MAOB: variants seen among roughly 807,000 people sequenced by gnomAD.
MAOB encodes the protein monoamine oxidase B, also known as amine oxidase [flavin-containing] B.
A neutral mutation model predicts 41.9 loss-of-function variants in MAOB; 15 were observed. That is an observed-to-expected ratio of 0.36 (90% CI 0.24 to 0.55). The LOEUF is 0.55. MAOB is among the 20% of genes least tolerant of loss of function. The probability of loss-of-function intolerance (pLI) is 0.86; values close to 1 mark genes in which losing one functional copy is unlikely to be tolerated. For missense variants in MAOB, 345 were observed against 398.7 expected (o/e 0.87, Z 1.15); for synonymous variants, 167 against 144.2 (o/e 1.16, Z -1.13).
At chrX:43,848,706 A>C (rs908180075) in intron 1 of MAOB, among the ~76,000 whole-genome samples, 3 of 111,920 alleles carry the variant, frequency 2.7e-5, no homozygotes, top group Non-Finnish European at 5.6e-5. Flanking sequence ...CGCAAGCACC[A>C]CTACGCCCGG....
At chrX:43,839,310 C>T (rs1421595966) in intron 2 of MAOB, among the ~76,000 whole-genome samples, 1 of 111,641 alleles carries the variant, frequency 9.0e-6, no homozygotes, top group Non-Finnish European at 1.9e-5. Context: ...GAATTATTGA[C>T]GAATCTCTTT....
In MAOB at chrX:43,802,565, C is replaced by T. The variant is rs2034607762; in HGVS notation, c.385-302G>A. Among the ~76,000 whole-genome samples the T allele has an allele frequency of 4.5e-5, 5 of 111,973 alleles. No individual in the cohort carries two copies. In the South Asian group the frequency reaches 1.8e-3, roughly 41 times the overall value. ...CTGGGCTATTTCTAGATATGGATTC[C>T]TAAGTTACTAACTTCTAGAGAACAC... is the stretch of plus-strand genomic sequence containing the variant. On this transcript the variant is annotated intron_variant, in intron 4 of 14. Coordinates refer to ENST00000378069, the MANE Select transcript of MAOB (RefSeq NM_000898.5).
chrX:43,882,279 C>T lies in MAOB; in HGVS notation c.21G>A (p.Val7=). 1 of 1,209,946 alleles carries T rather than the reference C, an allele frequency of 8.3e-7. No homozygotes were observed. The highest frequency in any genetic ancestry group is 1.1e-6 in the Non-Finnish European group (1 of 894,738). The change falls in exon 1 of 15, where the codon GTG becomes GTA. Residue 7 remains valine, a synonymous_variant. Coordinates refer to ENST00000378069, the MANE Select transcript of MAOB (RefSeq NM_000898.5). ...CTGAGATGCCGCCCCCCACCACGAC[C>T]ACGTCGCATTTGTTGCTCATGGCGC... is the stretch of plus-strand genomic sequence containing the variant. MSNKCD[V]VVVGGGISGM...
intron 3 of MAOB, among the ~76,000 whole-genome samples, chrX:43,823,703 A>G (rs577176677): frequency 9.0e-6 from 1 of 111,571 alleles, no homozygotes; most frequent in East Asian, 2.8e-4. Context: ...ATTTATAAGC[A>G]TCTGCCTCTT....
At chrX:43,876,322 T>C (rs2035439249) in intron 1 of MAOB, among the ~76,000 whole-genome samples, 1 of 112,346 alleles carries the variant, frequency 8.9e-6, no homozygotes, top group South Asian at 3.7e-4. Flanking sequence ...AAGCCACTGA[T>C]ATAAATGAAA....
At chrX:43,791,584 C>T (rs1442627025) in intron 8 of MAOB, among the ~76,000 whole-genome samples, 1 of 110,797 alleles carries the variant, frequency 9.0e-6, no homozygotes, top group African/African-American at 3.3e-5. Context: ...GGTGAAACCC[C>T]ATCTCTACTA....
At position 43,789,484 on chromosome X, in the gene MAOB, G is replaced by A. The variant is rs371846987; in HGVS notation, c.928+3935C>T. ...AGATAAATTAGATGTAAATATTCAAGGGAAAGTAGAAATGGTTCATAGATG... is the reference window on the plus strand; with the variant it reads ...AGATAAATTAGATGTAAATATTCAAAGGAAAGTAGAAATGGTTCATAGATG... On this transcript the variant is annotated intron_variant, in intron 8 of 14. Transcript: ENST00000378069. Among the ~76,000 whole-genome samples, 4 of 112,178 alleles carry A rather than the reference G, an allele frequency of 3.6e-5. No homozygotes were observed. In the South Asian group the frequency reaches 1.1e-3, roughly 31 times the overall value.
intron 8 of MAOB, among the ~76,000 whole-genome samples, chrX:43,786,878 T>C (rs556446301): frequency 9.0e-6 from 1 of 111,438 alleles, no homozygotes; most frequent in Non-Finnish European, 1.9e-5. Flanking sequence ...GTCATGTTCA[T>C]GCCAGGACAA....
intron 1 of MAOB, among the ~76,000 whole-genome samples, chrX:43,876,751 A>G (rs918258444): frequency 8.9e-6 from 1 of 112,927 alleles, no homozygotes; most frequent in Admixed American, 9.3e-5. Flanking sequence ...ACTTTCTCAC[A>G]TCATCTGTGT....
intron 3 of MAOB, 54 bp downstream of exon 3, chrX:43,838,814 A>G: frequency 9.3e-7 from 1 of 1,075,388 alleles, no homozygotes; most frequent in Non-Finnish European, 1.2e-6. Flanking sequence ...GAATTTGTGT[A>G]AGGAAACATC....
intron 3 of MAOB, among the ~76,000 whole-genome samples, chrX:43,814,406 G>A (rs141150784): frequency 8.9e-6 from 1 of 111,852 alleles, no homozygotes; most frequent in East Asian, 2.8e-4. Flanking sequence ...ATATCCATCA[G>A]CGCAAAGTAT....
intron 14 of MAOB, among the ~76,000 whole-genome samples, chrX:43,768,436 A>G (rs1244645359): frequency 9.0e-6 from 1 of 111,136 alleles, no homozygotes; most frequent in Admixed American, 9.6e-5. Context: ...ATTTTTTCCT[A>G]ATAATCTGTA....
chrX:43,839,041 T>TA (rs768998875), intron 2 of MAOB, 36 bp from the exon 3 acceptor site: 22 of 1,033,052 alleles, frequency 2.1e-5, no homozygotes, highest in Non-Finnish European at 2.9e-5. Flanking sequence ...AAAAAATTTG[T>TA]AAAAAATGTA....
At chrX:43,880,803 T>A (rs959265174) in intron 1 of MAOB, among the ~76,000 whole-genome samples, 5 of 111,903 alleles carry the variant, frequency 4.5e-5, no homozygotes, top group African/African-American at 1.6e-4. Context: ...AAAATCTGAA[T>A]CCATTGGGCA....
intron 1 of MAOB, among the ~76,000 whole-genome samples, chrX:43,845,505 T>C (rs2035190674): frequency 8.9e-6 from 1 of 112,169 alleles, no homozygotes; most frequent in African/African-American, 3.2e-5. Context: ...TCCCATTTTA[T>C]GGCCGAGAAA....
At chrX:43,809,198 T>A (rs1429178736) in intron 3 of MAOB, among the ~76,000 whole-genome samples, 2 of 112,005 alleles carry the variant, frequency 1.8e-5, no homozygotes, top group Non-Finnish European at 1.9e-5. Context: ...AGCTGAATTA[T>A]ACGGATTCTC....
chrX:43,773,795 C>T (rs1044035964), intron 12 of MAOB, among the ~76,000 whole-genome samples: 3 of 112,046 alleles, frequency 2.7e-5, no homozygotes, highest in African/African-American at 9.7e-5. Context: ...TGACTTGCTC[C>T]TCCTTGCCTT....
intron 1 of MAOB, among the ~76,000 whole-genome samples, chrX:43,848,790 G>A (rs1352854178): frequency 8.9e-6 from 1 of 111,812 alleles, no homozygotes; most frequent in Non-Finnish European, 1.9e-5. Flanking sequence ...CTGACCTCAG[G>A]TGATCTGCCT....
At chrX:43,784,868 T>C (rs1465468645) in intron 8 of MAOB, among the ~76,000 whole-genome samples, 1 of 112,192 alleles carries the variant, frequency 8.9e-6, no homozygotes, top group Non-Finnish European at 1.9e-5. Flanking sequence ...TTGTTTCCGG[T>C]CGGGTGTGGT....
Sources: allele counts gnomAD v4.1 joint callset (sites outside exome capture counted in the v4.1 genomes callset), GRCh38; gene constraint gnomAD v4.1.1; transcripts MANE v1.5; gene names NCBI Gene and HGNC (gene_info 2026-07-23, HGNC 2026-07-21).